The following GRIK2 variants were observed in gnomAD, a reference collection of about 807,000 sequenced individuals.
The protein encoded by GRIK2 is glutamate ionotropic receptor kainate type subunit 2, also known as glutamate receptor ionotropic, kainate 2.
Under a neutral mutation model 100.3 loss-of-function variants are expected in GRIK2, and 32 were observed. The ratio of observed to expected loss-of-function variants is 0.32; its 90% CI spans 0.24 to 0.43. GRIK2 has a LOEUF of 0.43. Ranked by LOEUF, GRIK2 falls within the 20% of genes least tolerant of loss-of-function variation. GRIK2 has a pLI of 1.00. For missense variants in GRIK2, 843 were observed against 1,114.9 expected, an observed-to-expected ratio of 0.76 and a Z score of 3.47; for synonymous variants, 417 against 389.4, an observed-to-expected ratio of 1.07 and a Z score of -0.83.
intron 2 of GRIK2, among the ~76,000 whole-genome samples, chr6:101,519,816 T>C (rs1259874294): frequency 2.0e-5 from 3 of 152,176 alleles, no homozygotes; most frequent in Non-Finnish European, 4.4e-5. Context: ...TTAAACTGAG[T>C]ATCTGCACCT....
At chr6:101,443,540 T>C (rs963839789) in intron 2 of GRIK2, among the ~76,000 whole-genome samples, 7 of 152,126 alleles carry the variant, frequency 4.6e-5, no homozygotes, top group East Asian at 1.9e-4. Flanking sequence ...TGTTCAACCA[T>C]ATCTTTTGAG....
At chr6:102,003,199 T>C (rs1795038395) in intron 14 of GRIK2, among the ~76,000 whole-genome samples, 1 of 151,716 alleles carries the variant, frequency 6.6e-6, no homozygotes, top group Non-Finnish European at 1.5e-5. Flanking sequence ...TTATATTCAT[T>C]TGTTTATCAC....
chr6:101,569,174 T>C (rs1297102044), intron 2 of GRIK2, among the ~76,000 whole-genome samples: 3 of 152,078 alleles, frequency 2.0e-5, no homozygotes, highest in Non-Finnish European at 4.4e-5. Flanking sequence ...ATAGGTTACA[T>C]GAACTTTAGC....
At chr6:102,033,047 T>A (rs1160494375) in intron 14 of GRIK2, among the ~76,000 whole-genome samples, 1 of 151,312 alleles carries the variant, frequency 6.6e-6, no homozygotes, top group Non-Finnish European at 1.5e-5. Flanking sequence ...AGTAGCCATA[T>A]AATTTTAGGC....
chr6:101,690,206 T>G (rs1771993040), intron 7 of GRIK2, among the ~76,000 whole-genome samples: 1 of 152,152 alleles, frequency 6.6e-6, no homozygotes, highest in Non-Finnish European at 1.5e-5. Flanking sequence ...ATTCAGTAGC[T>G]TAATTTAATT....
At chr6:101,894,551 T>C (rs1787316813) in intron 12 of GRIK2, among the ~76,000 whole-genome samples, 1 of 151,680 alleles carries the variant, frequency 6.6e-6, no homozygotes, top group South Asian at 2.1e-4. Flanking sequence ...GATTTTCCCC[T>C]AAATGTTTTC....
intron 2 of GRIK2, among the ~76,000 whole-genome samples, chr6:101,603,981 G>A (rs1488568849): frequency 1.3e-5 from 2 of 151,328 alleles, no homozygotes; most frequent in African/African-American, 2.4e-5. Context: ...GGGGTACTGT[G>A]CCCATATAAC....
At chr6:102,030,836 A>AT (rs1000120151) in intron 14 of GRIK2, among the ~76,000 whole-genome samples, 11 of 150,896 alleles carry the variant, frequency 7.3e-5, no homozygotes, top group African/African-American at 2.4e-4. Flanking sequence ...CAAAATCTAC[A>AT]TTTTTAGCTT....
chr6:101,660,350 G>T (rs1413784649), intron 4 of GRIK2, among the ~76,000 whole-genome samples: 1 of 152,010 alleles, frequency 6.6e-6, no homozygotes, highest in Admixed American at 6.6e-5. Flanking sequence ...TTCTAAACTG[G>T]TTATTCTAAT....
intron 16 of GRIK2, among the ~76,000 whole-genome samples, chr6:102,066,493 ATG>A (rs140836732): frequency 0.011 from 1,720 of 151,810 alleles, 35 homozygotes; most frequent in African/African-American, 0.04. Context: ...AAACAAAAGA[ATG>A]TGCCTGGTCA....
intron 7 of GRIK2, among the ~76,000 whole-genome samples, chr6:101,696,595 A>G (rs2128349792): frequency 6.6e-6 from 1 of 152,126 alleles, no homozygotes; most frequent in South Asian, 2.1e-4. Flanking sequence ...AGCGAATGTT[A>G]CTATTTGTAT....
chr6:101,982,836 C>T (rs1186543688), intron 14 of GRIK2, among the ~76,000 whole-genome samples: 1 of 151,658 alleles, frequency 6.6e-6, no homozygotes, highest in Non-Finnish European at 1.5e-5. Context: ...CATCTCATTG[C>T]AGCATGTAAG....
At chr6:101,680,167 G>C (rs1005308498) in intron 5 of GRIK2, among the ~76,000 whole-genome samples, 4 of 152,176 alleles carry the variant, frequency 2.6e-5, no homozygotes, top group African/African-American at 9.6e-5. Flanking sequence ...TTCTCAAGGT[G>C]ATGAAGAAAA....
At chr6:101,875,910 T>C (rs1785799693) in intron 11 of GRIK2, among the ~76,000 whole-genome samples, 2 of 151,928 alleles carry the variant, frequency 1.3e-5, no homozygotes, top group South Asian at 4.1e-4. Flanking sequence ...CACACTTGTT[T>C]GCTTTACTTG....
At chr6:101,441,962 A>AC (rs1475163965) in intron 2 of GRIK2, among the ~76,000 whole-genome samples, 1 of 130,982 alleles carries the variant, frequency 7.6e-6, no homozygotes, top group East Asian at 2.0e-4. Context: ...TTTGGGAGAT[A>AC]CAAAAAAAAA....
intron 4 of GRIK2, among the ~76,000 whole-genome samples, chr6:101,636,196 T>C (rs1781003121): frequency 1.3e-5 from 2 of 152,176 alleles, no homozygotes; most frequent in African/African-American, 4.8e-5. Flanking sequence ...TTCATGTCCT[T>C]TGCAGGGTCA....
chr6:101,856,750 G>A (rs1784445368), intron 10 of GRIK2, among the ~76,000 whole-genome samples: 1 of 152,126 alleles, frequency 6.6e-6, no homozygotes, highest in South Asian at 2.1e-4. Flanking sequence ...TGAGTTGGAT[G>A]AGTGGGTTGT....
At chr6:101,985,398 A>C (rs920433656) in intron 14 of GRIK2, among the ~76,000 whole-genome samples, 1 of 151,774 alleles carries the variant, frequency 6.6e-6, no homozygotes. Flanking sequence ...TTATCAATGT[A>C]GAGAAGTAGT....
chr6:101,980,352 T>G (rs942509659), intron 14 of GRIK2, among the ~76,000 whole-genome samples: 1 of 151,992 alleles, frequency 6.6e-6, no homozygotes, highest in African/African-American at 2.4e-5. Context: ...GAGCTCTTTT[T>G]TGAGGGAAGC....
Sources: allele counts gnomAD v4.1 joint callset (sites outside exome capture counted in the v4.1 genomes callset), GRCh38; gene constraint gnomAD v4.1.1; transcripts MANE v1.5; gene names NCBI Gene and HGNC (gene_info 2026-07-23, HGNC 2026-07-21).